TNRC6B: variants seen among roughly 807,000 people sequenced by gnomAD.
TNRC6B encodes trinucleotide repeat-containing gene 6B protein.
Under a neutral mutation model 203.6 loss-of-function variants are expected in TNRC6B, and 52 were observed. The ratio of observed to expected loss-of-function variants is 0.26; its 90% CI spans 0.20 to 0.32. The LOEUF is 0.32. Ranked by LOEUF, TNRC6B falls within the 10% of genes least tolerant of loss-of-function variation. The pLI is 1.00. For synonymous variants in TNRC6B, 838 were observed against 845.7 expected, an observed-to-expected ratio of 0.99 and a Z score of 0.16; for missense variants, 1,923 against 2,286.2, an observed-to-expected ratio of 0.84 and a Z score of 3.24.
At chr22:40,295,908 A>G (rs2070932891) in intron 12 of TNRC6B, among the ~76,000 whole-genome samples, 1 of 152,162 alleles carries the variant, frequency 6.6e-6, no homozygotes, top group Non-Finnish European at 1.5e-5. Context: ...AAACCAAAAG[A>G]CAGATCCTAG....
rs1381997993 is a variant in TNRC6B, at chr22:40,335,479, A to C, written c.*12238A>C. ...ACTGTATTTCTCATGCTGGATTTCA[A>C]AAAAAAAAAAAAAAGTATCAAAAAC... is the stretch of plus-strand genomic sequence containing the variant. On this transcript the variant is annotated 3_prime_UTR_variant, in exon 23 of 23. Transcript: ENST00000454349. 6.2e-5 allele frequency: 9 copies of C among 145,196 alleles called. 1 individual carries two copies. In the Admixed American group the frequency reaches 6.2e-4, roughly 10 times the overall value. The allele number at this position is 145,196 out of a possible 1,614,324, so 9.0% of individuals were successfully genotyped here.
chr22:40,157,306 T>TC (rs11369915), intron 4 of TNRC6B, among the ~76,000 whole-genome samples: 103,106 of 151,960 alleles, frequency 0.68, 36,733 homozygotes, highest in African/African-American at 0.9. Context: ...GGCCAGTGAT[T>TC]ATGGAATTTA....
chr22:40,160,417 A>C (rs1308252227), intron 4 of TNRC6B, among the ~76,000 whole-genome samples: 1 of 149,118 alleles, frequency 6.7e-6, no homozygotes, highest in Non-Finnish European at 1.5e-5. Context: ...CGGAGGTTGC[A>C]GTGAGCCGAG....
intron 12 of TNRC6B, among the ~76,000 whole-genome samples, chr22:40,291,038 T>C (rs188758498): frequency 6.6e-6 from 1 of 152,324 alleles, no homozygotes; most frequent in African/African-American, 2.4e-5. Flanking sequence ...TGGATTATTC[T>C]GTCTTTTCCC....
chr22:40,122,398 C>T (rs2079944624), intron 2 of TNRC6B, among the ~76,000 whole-genome samples: 1 of 152,122 alleles, frequency 6.6e-6, no homozygotes, highest in South Asian at 2.1e-4. Flanking sequence ...TGTGACACAT[C>T]TACAGGCCAG....
chr22:40,134,392 G>C (rs2068580789), intron 3 of TNRC6B, among the ~76,000 whole-genome samples: 1 of 152,140 alleles, frequency 6.6e-6, no homozygotes, highest in Admixed American at 6.5e-5. Flanking sequence ...CAGAATACCT[G>C]ATCAGCACTC....
chr22:40,079,254 C>T (rs2068045864), intron 1 of TNRC6B, among the ~76,000 whole-genome samples: 1 of 152,192 alleles, frequency 6.6e-6, no homozygotes, highest in South Asian at 2.1e-4. Flanking sequence ...AAAGGAAGAT[C>T]TCTCCCTCAT....
rs933292425 is a variant in TNRC6B at position 40,316,093 on chromosome 22, G to A, written c.4974+81G>A. On this transcript the variant is annotated intron_variant, in intron 21 of 22. Coordinates refer to ENST00000454349, the MANE Select transcript of TNRC6B (RefSeq NM_001162501.2). ...GGAAAGGTTGGGCATGGTGGCTCAT[G>A]CCTGTAATCCAAGCACTTTGGGAGG... The A allele has an allele frequency of 1.1e-5, 15 of 1,347,372 alleles. No individual in the cohort carries two copies. In the African/African-American group the frequency reaches 2.2e-4, roughly 19 times the overall value. The allele number at this position is 1,347,372 out of a possible 1,614,324, so 83.5% of individuals were successfully genotyped here.
At position 40,328,467 on chromosome 22, in the gene TNRC6B, T is replaced by C. The variant is rs1055957479; in HGVS notation, c.*5226T>C. The C allele has an allele frequency of 2.6e-5, 4 of 152,126 alleles. No individual in the cohort carries two copies. Among genetic ancestry groups the C allele is most frequent in the African/African-American group, 4.8e-5 (2 of 41,428 alleles). 9.4% of individuals were successfully genotyped at this position (152,126 alleles called of 1,614,324 possible). The stretch of plus-strand genomic sequence containing the variant: ...TTGGAAGCACCTTTATTAACACATA[T>C]ATCTCGCAGAAACTAGAAGCTCATA... On this transcript the variant is annotated 3_prime_UTR_variant, in exon 23 of 23. Transcript: ENST00000454349.
At chr22:40,258,534 CA>C (rs1173761197) in intron 3 of TNRC6B, among the ~76,000 whole-genome samples, 2 of 152,170 alleles carry the variant, frequency 1.3e-5, no homozygotes, top group African/African-American at 2.4e-5. Context: ...TGCTGAAACA[CA>C]GTTTGCTATG....
chr22:40,066,734 A>G (rs922167930), intron 1 of TNRC6B, among the ~76,000 whole-genome samples: 10 of 152,084 alleles, frequency 6.6e-5, no homozygotes, highest in African/African-American at 2.2e-4. Context: ...GCTGGTATAT[A>G]TTATTGTTTA....
chr22:40,232,622 C>T (rs1569031123), intron 1 of TNRC6B, among the ~76,000 whole-genome samples: 1 of 152,232 alleles, frequency 6.6e-6, no homozygotes, highest in South Asian at 2.1e-4. Context: ...GTTCTTCAGG[C>T]ACCATTCTAA....
chr22:40,163,480 A>C (rs6001811), intron 4 of TNRC6B, among the ~76,000 whole-genome samples: 5,492 of 65,308 alleles, frequency 0.084, 927 homozygotes, highest in South Asian at 0.16. Flanking sequence ...AAAAAAAAAA[A>C]GGCCAGGCAC....
At chr22:40,309,688 G>A (rs1237966711) in intron 16 of TNRC6B, among the ~76,000 whole-genome samples, 1 of 152,190 alleles carries the variant, frequency 6.6e-6, no homozygotes. Flanking sequence ...TAATAAATCT[G>A]AAATGGCATG....
At chr22:40,313,703 C>T (rs753513351) in intron 19 of TNRC6B, among the ~76,000 whole-genome samples, 11 of 152,222 alleles carry the variant, frequency 7.2e-5, no homozygotes, top group Non-Finnish European at 1.3e-4. Context: ...ACTACGAAGA[C>T]GCTGCAGGTT....
chr22:40,071,821 A>T (rs1193506235), intron 1 of TNRC6B, among the ~76,000 whole-genome samples: 1 of 152,136 alleles, frequency 6.6e-6, no homozygotes, highest in Admixed American at 6.6e-5. Flanking sequence ...TTCTAGAGCG[A>T]TTTGTTCAGA....
chr22:40,050,647 T>A (rs1467194416), intron 1 of TNRC6B, among the ~76,000 whole-genome samples: 1 of 152,124 alleles, frequency 6.6e-6, no homozygotes, highest in Non-Finnish European at 1.5e-5. Context: ...TTTTCATAGC[T>A]GTCACCACAA....
intron 1 of TNRC6B, among the ~76,000 whole-genome samples, chr22:40,228,284 G>T (rs903069923): frequency 2.0e-5 from 3 of 151,888 alleles, no homozygotes; most frequent in Non-Finnish European, 4.4e-5. Flanking sequence ...TAAAAAATTA[G>T]CCAGGTGTGG....
rs1433841061 is a variant in TNRC6B, at chr22:40,308,496, G to T, written c.4121-16G>T. 1 of 1,613,864 alleles carries T rather than the reference G, an allele frequency of 6.2e-7. No homozygotes were observed. The highest frequency in any genetic ancestry group is 1.7e-5 in the Admixed American group (1 of 60,006). ...TGATGCTGGAGACTTATAAAATGTG[G>T]TCTTCTCCTTTTTAGGCTTCAGCTC... On this transcript the variant is annotated splice_polypyrimidine_tract_variant and intron_variant, in intron 15 of 22. Transcript: ENST00000454349.
Sources: gnomAD v4.1 joint callset for allele counts (sites outside exome capture counted in the v4.1 genomes callset) on GRCh38, gnomAD v4.1.1 for gene constraint, MANE v1.5 for transcripts, NCBI Gene and HGNC (gene_info 2026-07-23, HGNC 2026-07-21) for gene names.